STK3: variants seen among roughly 807,000 people sequenced by gnomAD.
STK3 encodes serine/threonine-protein kinase 3.
In STK3, 41 loss-of-function variants were observed where a neutral mutation model predicts 58.0. The observed-to-expected ratio is 0.71, with a 90% CI of 0.55 to 0.92. The LOEUF (loss-of-function observed/expected upper bound fraction) is 0.92. Ranked by LOEUF, STK3 falls within the 40% of genes least tolerant of loss-of-function variation. The pLI, the probability that STK3 is intolerant of heterozygous loss-of-function variation, is 0.00. For missense variants in STK3, 479 were observed against 602.7 expected, an observed-to-expected ratio of 0.79 and a Z score of 2.15; for synonymous variants, 170 against 191.0, an observed-to-expected ratio of 0.89 and a Z score of 0.91.
intron 1 of STK3, among the ~76,000 whole-genome samples, chr8:98,898,759 G>A (rs1838549398): frequency 6.6e-6 from 1 of 152,192 alleles, no homozygotes; most frequent in Non-Finnish European, 1.5e-5. Context: ...TTGGGATCCA[G>A]AGATCTTAAA....
At chr8:98,442,992 CA>C (rs55664519) in intron 1 of STK3, among the ~76,000 whole-genome samples, 53,920 of 147,200 alleles carry the variant, frequency 0.37, 9,891 homozygotes, top group East Asian at 0.49. Flanking sequence ...TTAGCTAAAG[CA>C]AAAAAAAAAA....
At chr8:98,360,394 G>A in the STK3 span, among the ~76,000 whole-genome samples, 1 of 152,246 alleles carries the variant, frequency 6.6e-6, no homozygotes, top group Middle Eastern at 3.4e-3. Context: ...TCTTCCCTCT[G>A]TGTCTCCATG....
intron 6 of STK3, among the ~76,000 whole-genome samples, chr8:98,605,149 G>A (rs886221597): frequency 2.0e-5 from 3 of 152,080 alleles, no homozygotes; most frequent in African/African-American, 7.2e-5. Context: ...CTTCTTATGA[G>A]CCCTCCATAC....
intron 3 of STK3, among the ~76,000 whole-genome samples, chr8:98,403,416 G>T (rs1817963654): frequency 6.6e-6 from 1 of 152,200 alleles, no homozygotes; most frequent in Non-Finnish European, 1.5e-5. Flanking sequence ...AGCCCCAGCA[G>T]GGGAGCAGGT....
chr8:98,674,226 A>ACAAAAGGAC (rs1204788465), intron 6 of STK3, among the ~76,000 whole-genome samples: 8 of 152,332 alleles, frequency 5.3e-5, no homozygotes, highest in Non-Finnish European at 7.4e-5. Context: ...GAAAATATAC[A>ACAAAAGGAC]CAAAAGGACA....
At chr8:98,912,333 G>C (rs539267650) in intron 1 of STK3, among the ~76,000 whole-genome samples, 1 of 151,942 alleles carries the variant, frequency 6.6e-6, no homozygotes, top group East Asian at 1.9e-4. Context: ...AGCAAAGATC[G>C]CGCCACTGCA....
At chr8:98,437,928 C>T (rs954209979) in intron 1 of STK3, 39 of 152,172 alleles carry the variant, frequency 2.6e-4, no homozygotes, top group African/African-American at 8.0e-4. Flanking sequence ...CCAGGCAGCT[C>T]TCTACATGCC....
At chr8:98,502,389 C>A (rs1056250313) in intron 10 of STK3, among the ~76,000 whole-genome samples, 13 of 152,148 alleles carry the variant, frequency 8.5e-5, no homozygotes, top group Non-Finnish European at 1.2e-4. Flanking sequence ...TACTTGAATA[C>A]CCTTTATTTC....
intron 6 of STK3, among the ~76,000 whole-genome samples, chr8:98,700,270 C>A (rs1825446490): frequency 1.3e-5 from 2 of 152,344 alleles, no homozygotes; most frequent in South Asian, 4.1e-4. Context: ...CCGTCTGTCA[C>A]CCCTTTCTTT....
At chr8:98,802,189 G>GA (rs1833600969) in intron 1 of STK3, among the ~76,000 whole-genome samples, 1 of 151,948 alleles carries the variant, frequency 6.6e-6, no homozygotes, top group Admixed American at 6.6e-5. Flanking sequence ...AATAAAAAAG[G>GA]AAAAAATAAT....
At chr8:98,813,035 T>C in intron 1 of STK3, among the ~76,000 whole-genome samples, 1 of 146,590 alleles carries the variant, frequency 6.8e-6, no homozygotes, top group East Asian at 2.0e-4. Flanking sequence ...TAAAGCACAA[T>C]AAAAAAAAAA....
intron 6 of STK3, among the ~76,000 whole-genome samples, chr8:98,636,736 A>G (rs1819649228): frequency 6.6e-6 from 1 of 152,194 alleles, no homozygotes; most frequent in African/African-American, 2.4e-5. Context: ...AATCAAATTA[A>G]TTAATTATAA....
chr8:98,515,620 T>C (rs1824869401), intron 10 of STK3, among the ~76,000 whole-genome samples: 1 of 152,086 alleles, frequency 6.6e-6, no homozygotes, highest in South Asian at 2.1e-4. Context: ...AGTGATAGTA[T>C]CATTGTTAAA....
In STK3 at chr8:98,591,245, T is replaced by G. The variant is rs376888722; in HGVS notation, c.822+4787A>C. Among the ~76,000 whole-genome samples, 37 of 152,342 alleles carry G rather than the reference T, an allele frequency of 2.4e-4. No homozygotes were observed. In the East Asian group the frequency reaches 4.6e-3, roughly 19 times the overall value. On this transcript the variant is annotated intron_variant, in intron 7 of 10. Transcript: ENST00000419617. ...TGAGCTATGCGATCATGAGGGTAAT[T>G]AACCAATATTCTATAGTGTACTGTG...
At chr8:98,724,346 A>C (rs1827650098) in intron 4 of STK3, among the ~76,000 whole-genome samples, 1 of 152,210 alleles carries the variant, frequency 6.6e-6, no homozygotes, top group Non-Finnish European at 1.5e-5. Context: ...AGCTGACTCT[A>C]AAAGAGTGAA....
chr8:98,877,069 C>T (rs981807497), intron 3 of STK3, among the ~76,000 whole-genome samples: 52 of 152,158 alleles, frequency 3.4e-4, no homozygotes, highest in African/African-American at 1.3e-3. Flanking sequence ...GTTAGCTAGA[C>T]TGATTAGATA....
At position 98,927,559 on chromosome 8, in the gene STK3, A is replaced by T. The variant is rs964167073; in HGVS notation, c.-79+14819T>A. Among the ~76,000 whole-genome samples, 3 of 152,220 alleles carry T rather than the reference A, an allele frequency of 2.0e-5. No individual in the cohort carries two copies. The East Asian group carries it at 5.8e-4, about 29-fold the overall frequency. On this transcript the variant is annotated intron_variant, in intron 1 of 1. Transcript: ENST00000519420. ...TGCTTCAGATGCATTATCTCATTTAATTATCATATAATTTGATAAGGTAAT... is the reference window on the plus strand; with the variant it reads ...TGCTTCAGATGCATTATCTCATTTATTTATCATATAATTTGATAAGGTAAT...
At chr8:98,653,627 G>A (rs1821179237) in intron 6 of STK3, among the ~76,000 whole-genome samples, 1 of 151,942 alleles carries the variant, frequency 6.6e-6, no homozygotes, top group Non-Finnish European at 1.5e-5. Context: ...TCAAATAGAA[G>A]CAATAAAAAA....
chr8:98,407,296 C>A (rs1196100955), intron 3 of STK3, among the ~76,000 whole-genome samples: 2 of 152,186 alleles, frequency 1.3e-5, no homozygotes, highest in African/African-American at 4.8e-5. Flanking sequence ...TGATCCCCAC[C>A]CTTCCTGACT....
Sources: gnomAD v4.1 joint callset for allele counts (sites outside exome capture counted in the v4.1 genomes callset) on GRCh38, gnomAD v4.1.1 for gene constraint, MANE v1.5 for transcripts, NCBI Gene and HGNC (gene_info 2026-07-23, HGNC 2026-07-21) for gene names.